The following ZSCAN12 variants were observed in gnomAD, a reference collection of about 807,000 sequenced individuals.
ZSCAN12 encodes the protein zinc finger and SCAN domain-containing protein 12.
In ZSCAN12, 18 loss-of-function variants were observed where a neutral mutation model predicts 23.4. The ratio of observed to expected loss-of-function variants is 0.77; its 90% CI spans 0.53 to 1.14. The LOEUF (loss-of-function observed/expected upper bound fraction) is 1.14, where lower values mean the gene tolerates loss of function less well. Among genes scored for constraint, ZSCAN12 ranks in the 50% most tolerant of loss-of-function variants. The pLI is 0.00. For missense variants in ZSCAN12, 650 were observed against 735.0 expected (o/e 0.88, Z 1.34); for synonymous variants, 186 against 253.4 (o/e 0.73, Z 2.53).
In ZSCAN12 at chr6:28,398,042, C is replaced by G. The variant is rs1368073921; in HGVS notation, c.364G>C (p.Glu122Gln). 6.2e-7 allele frequency: 1 copy of G among 1,610,850 alleles called. No homozygotes were observed. The highest frequency in any genetic ancestry group is 2.2e-5 in the East Asian group (1 of 44,878). The part of the protein sequence containing the change: ...ESGEEVVTVL[E>Q]DLERELDEPG... ...TCATCCAGTTCTCTCTCTAAATCCT[C>G]CAGCACAGTCACCACCTCCTCCCCA... Residue 122 changes from glutamate (E) to glutamine (Q), a missense_variant, in exon 2 of 4, where the codon GAG becomes CAG. Coordinates refer to ENST00000684592, the MANE Select transcript of ZSCAN12 (RefSeq NM_001163391.2).
downstream of ZSCAN12, chr6:28,380,868 C>G (rs1382765111): frequency 6.5e-6 from 1 of 153,722 alleles, no homozygotes; most frequent in Non-Finnish European, 1.5e-5. Flanking sequence ...CTCAGTAACA[C>G]CATCTAAAAC....
At position 28,391,789 on chromosome 6, in the gene ZSCAN12, T is replaced by C. The variant is rs1371289935; in HGVS notation, c.548-47A>G. 13 of 1,388,486 alleles carry C rather than the reference T, an allele frequency of 9.4e-6. No homozygotes were observed. In the East Asian group the frequency reaches 1.5e-4, roughly 16 times the overall value. 86.0% of individuals were successfully genotyped at this position (1,388,486 alleles called of 1,614,324 possible). On this transcript the variant is annotated intron_variant, in intron 3 of 3. Coordinates refer to ENST00000684592, the MANE Select transcript of ZSCAN12 (RefSeq NM_001163391.2). This position sits in a 1 kb window ranked among gnomAD's most constrained non-coding sequence, Gnocchi z 4.1. ...TACCTCTTTCTACCTTTAAAATGTA[T>C]CCATACATTTTAATATTAAGCAGCT... is the stretch of plus-strand genomic sequence containing the variant.
chr6:28,398,165 T>C lies in ZSCAN12; in HGVS notation c.241A>G (p.Thr81Ala), dbSNP rs1410386893. The change falls in exon 2 of 4, where the codon ACC (threonine) becomes GCC (alanine). Residue 81 changes from threonine to alanine, a missense_variant. By Grantham distance (58) the Thr-to-Ala change is moderately conservative. Transcript: ENST00000684592. ...CHQWLRPETH[T>A]KEQILELLVL... Reference sequence around the variant, plus strand: ...AGCAGCTCCAGAATCTGTTCTTTGGTGTGGGTCTCTGGCCTCAGCCACTGA... The same window carrying C: ...AGCAGCTCCAGAATCTGTTCTTTGGCGTGGGTCTCTGGCCTCAGCCACTGA... 6.2e-6 allele frequency: 10 copies of C among 1,614,106 alleles called. No individual in the cohort carries two copies. The highest frequency in any genetic ancestry group is 8.5e-6 in the Non-Finnish European group (10 of 1,180,010).
chr6:28,397,124 G>A (rs1448813873), intron 2 of ZSCAN12, among the ~76,000 whole-genome samples: 9 of 151,840 alleles, frequency 5.9e-5, no homozygotes, highest in Non-Finnish European at 1.2e-4. Flanking sequence ...AAGAGGTTTA[G>A]CATTAGCCTT....
chr6:28,382,543 A>T (rs1380771157), downstream of ZSCAN12: 3 of 1,551,896 alleles, frequency 1.9e-6, no homozygotes, highest in South Asian at 3.6e-5. Flanking sequence ...AGCTCAGGAG[A>T]AGATTCACTC....
downstream of ZSCAN12, among the ~76,000 whole-genome samples, chr6:28,383,282 T>C (rs941699236): frequency 5.3e-5 from 8 of 152,182 alleles, no homozygotes; most frequent in African/African-American, 1.9e-4. Flanking sequence ...TTGGAAGTCA[T>C]CCTTAACTTC....
Position 28,392,930 on chromosome 6 carries a change from A to T in ZSCAN12, c.519T>A (p.Ser173=), listed in dbSNP as rs780568896. 1 of 1,552,012 alleles carries T rather than the reference A, an allele frequency of 6.4e-7. No homozygotes were observed. Among genetic ancestry groups the T allele is most frequent in the South Asian group, 1.2e-5 (1 of 84,044 alleles). The change falls in exon 3 of 4, where the codon TCT becomes TCA. Residue 173 remains serine, a synonymous_variant. Coordinates refer to ENST00000684592, the MANE Select transcript of ZSCAN12 (RefSeq NM_001163391.2). The part of the protein sequence containing the change: ...QSMKAQPKYE[S]PELESQQEQV... Reference sequence around the variant, plus strand: ...GCTCCTGTTGGGATTCAAGTTCTGGAGATTCATACTTTGGCTGGGCTTTCA... The same window carrying T: ...GCTCCTGTTGGGATTCAAGTTCTGGTGATTCATACTTTGGCTGGGCTTTCA...
rs370717094 is a variant in ZSCAN12, at chr6:28,384,822, G to T, written c.*5632C>A. ...GAGGACTCCTTACCAAACGCACACAGAACGTTTGAGAGGGAGAGGATCCAA... is the reference window on the plus strand; with the variant it reads ...GAGGACTCCTTACCAAACGCACACATAACGTTTGAGAGGGAGAGGATCCAA... On this transcript the variant is annotated 3_prime_UTR_variant, in exon 4 of 4. Transcript: ENST00000684592. Among the ~76,000 whole-genome samples the T allele has an allele frequency of 6.6e-6, 1 of 152,176 alleles. No homozygotes were observed. Among genetic ancestry groups the T allele is most frequent in the Admixed American group, 6.5e-5 (1 of 15,278 alleles).
Position 28,391,609 on chromosome 6 carries a change from A to T in ZSCAN12, c.681T>A (p.Arg227=). The T allele has an allele frequency of 6.4e-7, 1 of 1,552,278 alleles. No individual in the cohort carries two copies. The highest frequency in any genetic ancestry group is 8.7e-7 in the Non-Finnish European group (1 of 1,147,132). Residue 227 remains arginine, a synonymous_variant, in exon 4 of 4, where the codon CGT becomes CGA. Transcript: ENST00000684592. The surrounding 1 kb of genome is among the most constrained non-coding windows in gnomAD (Gnocchi z 4.1). ...GCTCTTCTGTTATTTCTTCAGGTTCACGAGTTTCTCCACACCTAGCAGACT... is the reference window on the plus strand; with the variant it reads ...GCTCTTCTGTTATTTCTTCAGGTTCTCGAGTTTCTCCACACCTAGCAGACT... ...MSKSARCGET[R]EPEEITEEPS...
Position 28,388,066 on chromosome 6 carries a change from A to G in ZSCAN12, c.*2388T>C, listed in dbSNP as rs984715419. ...CAAGTTTGCATTCTCATTATGTGAGAAATGGGAGGCAGGGTAAACTTAGGT... is the reference window on the plus strand; with the variant it reads ...CAAGTTTGCATTCTCATTATGTGAGGAATGGGAGGCAGGGTAAACTTAGGT... On this transcript the variant is annotated 3_prime_UTR_variant, in exon 4 of 4. Transcript: ENST00000684592. Among the ~76,000 whole-genome samples the G allele has an allele frequency of 7.2e-5, 11 of 152,182 alleles. No individual in the cohort carries two copies. The highest frequency in any genetic ancestry group is 2.4e-4 in the African/African-American group (10 of 41,438).
intron 3 of ZSCAN12, among the ~76,000 whole-genome samples, chr6:28,392,411 C>T (rs1760888587): frequency 6.6e-6 from 1 of 152,128 alleles, no homozygotes. Context: ...CTCCTGACCT[C>T]GTGATCCACC....
At position 28,388,844 on chromosome 6, in the gene ZSCAN12, A is replaced by G. The variant is rs929533693; in HGVS notation, c.*1610T>C. 6.6e-6 allele frequency among the ~76,000 whole-genome samples: 1 copy of G among 152,204 alleles called. No individual in the cohort carries two copies. On this transcript the variant is annotated 3_prime_UTR_variant, in exon 4 of 4. Transcript: ENST00000684592. The stretch of plus-strand genomic sequence containing the variant: ...TAGAAAAGGAAGGAAATAACAGGCC[A>G]TCTCAGTAGAGATTAAGAATGATTT...
downstream of ZSCAN12, chr6:28,382,623 T>C: frequency 6.5e-7 from 1 of 1,550,286 alleles, no homozygotes; most frequent in Non-Finnish European, 8.7e-7. Context: ...AGGCATAAAA[T>C]AACAATGTTA....
chr6:28,399,217 A>G (rs577700675), intron 1 of ZSCAN12, among the ~76,000 whole-genome samples: 45 of 152,342 alleles, frequency 3.0e-4, no homozygotes, highest in African/African-American at 9.6e-4. Context: ...CAGGGACTTA[A>G]TCTTTCTGCT....
At chr6:28,392,741 A>C (rs1327484695) in intron 3 of ZSCAN12, among the ~76,000 whole-genome samples, 161 bp downstream of exon 3, 1 of 152,222 alleles carries the variant, frequency 6.6e-6, no homozygotes, top group Admixed American at 6.5e-5. Flanking sequence ...AGGGTTGAAG[A>C]GTGACAAACT....
chr6:28,383,259 G>C (rs1047932316), downstream of ZSCAN12, among the ~76,000 whole-genome samples: 2 of 152,110 alleles, frequency 1.3e-5, no homozygotes, highest in Admixed American at 1.3e-4. Flanking sequence ...CAGTTTTCCT[G>C]ATACCTCAAA....
At chr6:28,382,397 G>A (rs1760294622), downstream of ZSCAN12, 9 of 1,474,988 alleles carry the variant, frequency 6.1e-6, no homozygotes, top group South Asian at 1.3e-4. Flanking sequence ...CCAGAGAGTA[G>A]CAATTTAAAG....
Position 28,390,471 on chromosome 6 carries a change from T to A in ZSCAN12, c.1819A>T (p.Lys607Ter). 1 of 1,542,626 alleles carries A rather than the reference T, an allele frequency of 6.5e-7. No individual in the cohort carries two copies. The highest frequency in any genetic ancestry group is 8.8e-7 in the Non-Finnish European group (1 of 1,142,694). ...TQHQTIHKGE[K>*]SVSV ...TGTAGTCATCACACAGAAACAGATT[T>A]TTCTCCTTTGTGGATAGTCTGATGT... Residue 607 changes from lysine (K) to a stop codon, truncating the protein, a stop_gained, in exon 4 of 4, where the codon AAA becomes TAA. Coordinates refer to ENST00000684592, the MANE Select transcript of ZSCAN12 (RefSeq NM_001163391.2). LOFTEE classifies it high-confidence loss of function.
downstream of ZSCAN12, among the ~76,000 whole-genome samples, chr6:28,384,159 G>A (rs925821943): frequency 6.6e-6 from 1 of 152,150 alleles, no homozygotes; most frequent in Non-Finnish European, 1.5e-5. Context: ...TCAGGAATAA[G>A]TAGGGAATTT....
Sources: gnomAD v4.1 joint callset for allele counts (sites outside exome capture counted in the v4.1 genomes callset) on GRCh38, gnomAD v4.1.1 for gene constraint, Gnocchi (gnomAD v3.1) non-coding constraint, MANE v1.5 for transcripts, NCBI Gene and HGNC (gene_info 2026-07-23, HGNC 2026-07-21) for gene names.